The following PARM1 variants were observed in gnomAD, a reference collection of about 807,000 sequenced individuals.
PARM1 encodes the protein WSC4, cell wall integrity and stress response component 4 homolog.
In PARM1, 14 loss-of-function variants were observed where a neutral mutation model predicts 24.6. The ratio of observed to expected loss-of-function variants is 0.57; its 90% confidence interval spans 0.38 to 0.89. The LOEUF is 0.89. Among genes scored for constraint, PARM1 ranks in the 40% least tolerant of loss-of-function variants. PARM1 has a pLI of 0.00. For synonymous variants in PARM1, 179 were observed against 156.6 expected (o/e 1.14, Z -1.07); for missense variants, 362 against 380.4 (o/e 0.95, Z 0.40).
intron 1 of PARM1, among the ~76,000 whole-genome samples, chr4:74,958,575 G>A (rs1411948971): frequency 7.9e-5 from 12 of 152,186 alleles, no homozygotes; most frequent in African/African-American, 1.9e-4. Flanking sequence ...AAGAAAGACC[G>A]TGAGGAATTT....
intron 1 of PARM1, among the ~76,000 whole-genome samples, chr4:74,963,639 A>G (rs1721830293): frequency 1.3e-5 from 2 of 152,192 alleles, no homozygotes; most frequent in African/African-American, 4.8e-5. Flanking sequence ...AGTGGTTGCC[A>G]GGGGCTAGGG....
At chr4:74,947,288 T>C (rs1055982361) in intron 1 of PARM1, among the ~76,000 whole-genome samples, 2 of 152,216 alleles carry the variant, frequency 1.3e-5, no homozygotes, top group East Asian at 1.9e-4. Flanking sequence ...GTGGGGATGA[T>C]ATCAGCAAAC....
rs1041841856 is a variant in PARM1 at position 75,048,758 on chromosome 4, A to C, written c.*2511A>C. The C allele has an allele frequency of 6.6e-6, 1 of 152,624 alleles. No individual in the cohort carries two copies. Among genetic ancestry groups the C allele is most frequent in the South Asian group, 2.1e-4 (1 of 4,826 alleles). The allele number at this position is 152,624 out of a possible 1,614,324, so 9.5% of individuals were successfully genotyped here. Reference sequence around the variant, plus strand: ...TGGCTTCCAAATGTGCATGGCAAAGAGAGAGATGTGGGCCTAGAGCAGATA... The same window carrying C: ...TGGCTTCCAAATGTGCATGGCAAAGCGAGAGATGTGGGCCTAGAGCAGATA... On this transcript the variant is annotated 3_prime_UTR_variant, in exon 4 of 4. Coordinates refer to ENST00000307428, the MANE Select transcript of PARM1 (RefSeq NM_015393.4).
intron 1 of PARM1, among the ~76,000 whole-genome samples, chr4:74,950,919 G>A (rs1721510010): frequency 6.6e-6 from 1 of 151,762 alleles, no homozygotes; most frequent in Admixed American, 6.6e-5. Flanking sequence ...CAGGCACTGT[G>A]ACAAGCAGGA....
intron 3 of PARM1, among the ~76,000 whole-genome samples, chr4:75,035,109 G>A (rs145277855): frequency 2.4e-4 from 37 of 152,240 alleles, no homozygotes; most frequent in African/African-American, 7.7e-4. Context: ...TTCTCATGCT[G>A]TGTACATTGG....
chr4:74,973,034 C>T (rs532714277), intron 1 of PARM1, among the ~76,000 whole-genome samples: 2 of 152,206 alleles, frequency 1.3e-5, no homozygotes, highest in East Asian at 1.9e-4. Flanking sequence ...GTCAATCACA[C>T]CTCACAGTGT....
At chr4:74,961,800 C>G (rs545414377) in intron 1 of PARM1, among the ~76,000 whole-genome samples, 26 of 152,172 alleles carry the variant, frequency 1.7e-4, no homozygotes, top group African/African-American at 5.5e-4. Flanking sequence ...ACTAGACCTG[C>G]CCTAAAGAAA....
At chr4:74,942,631 A>G (rs946011365) in intron 1 of PARM1, among the ~76,000 whole-genome samples, 7 of 152,218 alleles carry the variant, frequency 4.6e-5, no homozygotes, top group Admixed American at 1.3e-4. Flanking sequence ...CCTTCAAGAA[A>G]GTCTGTCTGC....
intron 1 of PARM1, among the ~76,000 whole-genome samples, chr4:74,978,294 TGAAAAAA>T (rs1722176245): frequency 1.3e-5 from 2 of 152,016 alleles, no homozygotes; most frequent in African/African-American, 4.8e-5. Flanking sequence ...ACATGGAAGC[TGAAAAAA>T]TCAAGGGCTA....
At chr4:74,941,329 A>G (rs1040590741) in intron 1 of PARM1, among the ~76,000 whole-genome samples, 5 of 152,176 alleles carry the variant, frequency 3.3e-5, no homozygotes, top group Non-Finnish European at 4.4e-5. Context: ...TGTGATATCA[A>G]ATTACGTGCA....
intron 1 of PARM1, among the ~76,000 whole-genome samples, chr4:74,949,883 G>A (rs940741338): frequency 1.3e-5 from 2 of 150,506 alleles, no homozygotes; most frequent in Non-Finnish European, 3.0e-5. Flanking sequence ...CAGAAAAAGA[G>A]TGACAAAGAA....
At chr4:75,015,649 A>G (rs1722971151) in intron 2 of PARM1, among the ~76,000 whole-genome samples, 1 of 152,212 alleles carries the variant, frequency 6.6e-6, no homozygotes, top group Non-Finnish European at 1.5e-5. Context: ...CTAATATGAG[A>G]ATGAACCTGG....
intron 1 of PARM1, among the ~76,000 whole-genome samples, chr4:74,985,853 C>A (rs1409753083): frequency 6.6e-6 from 1 of 152,166 alleles, no homozygotes; most frequent in East Asian, 1.9e-4. Flanking sequence ...ACTGCAACCT[C>A]CACCTCCCAG....
intron 2 of PARM1, among the ~76,000 whole-genome samples, chr4:75,030,357 A>T (rs1319678264): frequency 2.0e-5 from 3 of 152,186 alleles, no homozygotes; most frequent in Non-Finnish European, 4.4e-5. Flanking sequence ...CCACCTTGTA[A>T]AGAGAATTAA....
chr4:74,941,579 G>A (rs756667013), intron 1 of PARM1, among the ~76,000 whole-genome samples: 5 of 152,128 alleles, frequency 3.3e-5, no homozygotes, highest in African/African-American at 7.2e-5. Context: ...AGCAATAAGG[G>A]ATACCTCTTC....
chr4:75,027,137 A>G (rs980119427), intron 2 of PARM1, among the ~76,000 whole-genome samples: 1 of 152,108 alleles, frequency 6.6e-6, no homozygotes, highest in Non-Finnish European at 1.5e-5. Context: ...CACAGGCAGA[A>G]ATACAGAGGC....
At chr4:75,007,903 AG>A (rs1457234691) in intron 1 of PARM1, among the ~76,000 whole-genome samples, 1 of 152,246 alleles carries the variant, frequency 6.6e-6, no homozygotes, top group Non-Finnish European at 1.5e-5. Flanking sequence ...TCTTCAAGCC[AG>A]GGGGTGGGCC....
rs748931400 is a variant in PARM1 at position 75,045,845 on chromosome 4, C to T, written c.849-318C>T. Among the ~76,000 whole-genome samples, 8 of 152,160 alleles carry T rather than the reference C, an allele frequency of 5.3e-5. No individual in the cohort carries two copies. The South Asian group carries it at 1.7e-3, about 32-fold the overall frequency. The stretch of plus-strand genomic sequence containing the variant: ...TGTTAGGAATGCAAGCTTCCCTTTC[C>T]CATCTCTTCTTATTAAATTACTATG... On this transcript the variant is annotated intron_variant, in intron 3 of 3. Transcript: ENST00000307428.
At chr4:74,968,478 T>G (rs774357025) in intron 1 of PARM1, among the ~76,000 whole-genome samples, 7 of 152,218 alleles carry the variant, frequency 4.6e-5, no homozygotes, top group Non-Finnish European at 8.8e-5. Context: ...CATTTCAACT[T>G]CAAATGAGAT....
Sources: allele counts gnomAD v4.1 joint callset (sites outside exome capture counted in the v4.1 genomes callset), GRCh38; gene constraint gnomAD v4.1.1; transcripts MANE v1.5; gene names NCBI Gene and HGNC (gene_info 2026-07-23, HGNC 2026-07-21).